Variants in SMIM10L3 observed in about 807,000 individuals in gnomAD.
SMIM10L3 encodes salivary gland specific protein SAGSIN1.
At chr7:6,344,892 C>A in the SMIM10L3 span, among the ~76,000 whole-genome samples, 2 of 152,006 alleles carry the variant, frequency 1.3e-5, no homozygotes, top group African/African-American at 4.8e-5. Flanking sequence ...CAGGCGCATG[C>A]CGCCATGCCC....
At chr7:6,346,258 C>G in the SMIM10L3 span, among the ~76,000 whole-genome samples, 6 of 152,132 alleles carry the variant, frequency 3.9e-5, no homozygotes, top group African/African-American at 1.4e-4. Flanking sequence ...TTCAAGCCAC[C>G]TGGTGGAGGT....
At chr7:6,335,927 C>T in the SMIM10L3 span, among the ~76,000 whole-genome samples, 26 of 151,964 alleles carry the variant, frequency 1.7e-4, no homozygotes, top group Admixed American at 3.3e-4. Context: ...AATCCCAGCA[C>T]TCTGGGAGGC....
chr7:6,336,222 T>A, the SMIM10L3 span, among the ~76,000 whole-genome samples: 1 of 150,782 alleles, frequency 6.6e-6, no homozygotes, highest in Non-Finnish European at 1.5e-5. Flanking sequence ...GGTGCACACC[T>A]GTAGTCCCAG....
the SMIM10L3 span, among the ~76,000 whole-genome samples, chr7:6,344,513 T>A: frequency 6.6e-6 from 1 of 151,984 alleles, no homozygotes; most frequent in East Asian, 1.9e-4. Context: ...TCCTCGACCT[T>A]CTGGCCTCAA....
At chr7:6,331,163 T>A in the SMIM10L3 span, 1 of 1,606,618 alleles carries the variant, frequency 6.2e-7, no homozygotes, top group Admixed American at 1.7e-5. Flanking sequence ...ATGCTTCGTG[T>A]TCTTGGATGC....
At chr7:6,340,208 C>T in the SMIM10L3 span, among the ~76,000 whole-genome samples, 4 of 152,070 alleles carry the variant, frequency 2.6e-5, no homozygotes, top group Admixed American at 6.6e-5. Flanking sequence ...TGTGAAGATT[C>T]GATGTATGAG....
chr7:6,336,538 G>A, the SMIM10L3 span, among the ~76,000 whole-genome samples: 3 of 151,908 alleles, frequency 2.0e-5, no homozygotes, highest in Non-Finnish European at 2.9e-5. Flanking sequence ...AAAATTAGCT[G>A]GGTATGGTTG....
At chr7:6,341,600 G>A in the SMIM10L3 span, among the ~76,000 whole-genome samples, 1 of 148,902 alleles carries the variant, frequency 6.7e-6, no homozygotes, top group South Asian at 2.1e-4. Flanking sequence ...TGAGGCAGGG[G>A]AATGGCGTGA....
At chr7:6,335,858 G>A in the SMIM10L3 span, among the ~76,000 whole-genome samples, 1 of 151,332 alleles carries the variant, frequency 6.6e-6, no homozygotes, top group Non-Finnish European at 1.5e-5. Flanking sequence ...AACACAGCAA[G>A]ACCCTGTCTC....
the SMIM10L3 span, among the ~76,000 whole-genome samples, chr7:6,336,151 C>T: frequency 7.3e-6 from 1 of 136,776 alleles, no homozygotes; most frequent in Admixed American, 7.6e-5. Flanking sequence ...CCAGCCTGGG[C>T]AACAGAGTGA....
the SMIM10L3 span, among the ~76,000 whole-genome samples, chr7:6,339,940 A>T: frequency 6.6e-6 from 1 of 151,872 alleles, no homozygotes; most frequent in Non-Finnish European, 1.5e-5. Flanking sequence ...GCTGGAGTGC[A>T]GCTGCATGAT....
the SMIM10L3 span, chr7:6,330,350 C>G: frequency 2.5e-6 from 4 of 1,575,686 alleles, no homozygotes; most frequent in South Asian, 4.7e-5. Context: ...TAAAATTAAT[C>G]TATTGGTATT....
the SMIM10L3 span, among the ~76,000 whole-genome samples, chr7:6,338,895 G>A: frequency 1.3e-5 from 2 of 152,294 alleles, no homozygotes; most frequent in East Asian, 3.9e-4. Flanking sequence ...GGCCGCGGTG[G>A]GCCTTGAGGG....
chr7:6,333,842 T>TTC, the SMIM10L3 span, among the ~76,000 whole-genome samples: 53 of 140,160 alleles, frequency 3.8e-4, 2 homozygotes, highest in South Asian at 1.9e-3. Flanking sequence ...CCTGGCCTCT[T>TTC]TTTTTTTTTT....
the SMIM10L3 span, chr7:6,331,368 G>C: frequency 1.5e-5 from 9 of 607,490 alleles, no homozygotes; most frequent in African/African-American, 1.5e-4. Context: ...TCACCATATT[G>C]GTAAGGCTGG....
the SMIM10L3 span, among the ~76,000 whole-genome samples, chr7:6,335,510 G>A: frequency 1.1e-4 from 16 of 149,916 alleles, no homozygotes; most frequent in African/African-American, 4.0e-4. Flanking sequence ...CTACAGGTGT[G>A]AGCCTCCGTG....
At chr7:6,343,949 G>C in the SMIM10L3 span, among the ~76,000 whole-genome samples, 1 of 152,032 alleles carries the variant, frequency 6.6e-6, no homozygotes, top group South Asian at 2.1e-4. Flanking sequence ...GCAGTGGTGG[G>C]ATCATAGCTT....
At chr7:6,344,889 A>T in the SMIM10L3 span, among the ~76,000 whole-genome samples, 1 of 151,330 alleles carries the variant, frequency 6.6e-6, no homozygotes, top group Non-Finnish European at 1.5e-5. Flanking sequence ...TGACAGGCGC[A>T]TGCCGCCATG....
chr7:6,345,454 T>A, the SMIM10L3 span, among the ~76,000 whole-genome samples: 1 of 152,194 alleles, frequency 6.6e-6, no homozygotes, highest in South Asian at 2.1e-4. Flanking sequence ...CTCTGATTGC[T>A]TGGTGGAGAT....
Sources: gnomAD v4.1 joint callset for allele counts (sites outside exome capture counted in the v4.1 genomes callset) on GRCh38, gnomAD v4.1.1 for gene constraint, MANE v1.5 for transcripts, NCBI Gene and HGNC (gene_info 2026-07-23, HGNC 2026-07-21) for gene names.